Variants in PACRG observed in about 807,000 individuals in gnomAD.
The protein encoded by PACRG is parkin coregulated gene protein.
PACRG carries 29 observed loss-of-function variants against 29.7 expected under a neutral mutation model. The observed-to-expected ratio is 0.98, with a 90% CI of 0.73 to 1.33. The LOEUF (loss-of-function observed/expected upper bound fraction) is 1.33. Among genes scored for constraint, PACRG ranks in the 40% most tolerant of loss-of-function variants. The pLI is 0.00. For synonymous variants in PACRG, 116 were observed against 118.7 expected, an observed-to-expected ratio of 0.98 and a Z score of 0.15; for missense variants, 279 against 316.2, an observed-to-expected ratio of 0.88 and a Z score of 0.89.
intron 2 of PACRG, among the ~76,000 whole-genome samples, chr6:162,928,824 C>T (rs562275630): frequency 6.6e-6 from 1 of 151,544 alleles, no homozygotes; most frequent in African/African-American, 2.4e-5. Context: ...TTAATAAGGT[C>T]CACTTTTTTT....
At chr6:163,096,300 G>A (rs1427697722) in intron 4 of PACRG, among the ~76,000 whole-genome samples, 4 of 152,190 alleles carry the variant, frequency 2.6e-5, no homozygotes, top group Admixed American at 2.6e-4. Context: ...TGGCCACGGT[G>A]AGGCTGGTTC....
chr6:162,927,526 A>G (rs1354370939), intron 2 of PACRG, among the ~76,000 whole-genome samples: 1 of 152,148 alleles, frequency 6.6e-6, no homozygotes, highest in Non-Finnish European at 1.5e-5. Flanking sequence ...GCTGGAAGCC[A>G]TCATCCTCAG....
At chr6:162,940,894 T>C (rs1798571812) in intron 2 of PACRG, among the ~76,000 whole-genome samples, 1 of 152,156 alleles carries the variant, frequency 6.6e-6, no homozygotes. Flanking sequence ...CAGCACAGGA[T>C]ATAATGAATG....
intron 4 of PACRG, chr6:163,182,556 C>T (rs568237825): frequency 1.3e-3 from 197 of 152,182 alleles, no homozygotes; most frequent in African/African-American, 4.6e-3. Context: ...TTCTTTAGTA[C>T]GGGTCTCTTT....
intron 2 of PACRG, among the ~76,000 whole-genome samples, chr6:162,842,120 T>G (rs1356039553): frequency 6.6e-6 from 1 of 150,460 alleles, no homozygotes; most frequent in Non-Finnish European, 1.5e-5. Flanking sequence ...GTCCGCTTGG[T>G]GCAGAGCTGA....
chr6:162,757,953 C>G (rs73601948), intron 1 of PACRG, among the ~76,000 whole-genome samples: 3 of 152,022 alleles, frequency 2.0e-5, no homozygotes, highest in East Asian at 3.9e-4. Context: ...AAATTATACT[C>G]GAATTATTCT....
chr6:162,957,452 A>G (rs1019464272), intron 2 of PACRG: 22 of 498,600 alleles, frequency 4.4e-5, no homozygotes, highest in African/African-American at 3.7e-4. Flanking sequence ...CCACATGCAG[A>G]GTTTTGGTGT....
intron 4 of PACRG, among the ~76,000 whole-genome samples, chr6:163,250,491 C>T (rs1012216299): frequency 2.6e-5 from 4 of 152,194 alleles, no homozygotes; most frequent in South Asian, 4.1e-4. Context: ...TTGCTGAATT[C>T]TTTTATCAGT....
intron 4 of PACRG, among the ~76,000 whole-genome samples, chr6:163,261,613 C>A (rs972875760): frequency 6.6e-6 from 1 of 152,250 alleles, no homozygotes; most frequent in South Asian, 2.1e-4. Flanking sequence ...TCGCAGGACA[C>A]TCGGCCCTGC....
At chr6:163,061,264 C>T (rs944487064) in intron 2 of PACRG, among the ~76,000 whole-genome samples, 3 of 152,150 alleles carry the variant, frequency 2.0e-5, no homozygotes, top group South Asian at 2.1e-4. Context: ...TCAGCTCTGC[C>T]GCCTTGCTGG....
At chr6:162,835,051 T>C (rs891953235) in intron 2 of PACRG, among the ~76,000 whole-genome samples, 3 of 152,124 alleles carry the variant, frequency 2.0e-5, no homozygotes. Flanking sequence ...CTTAACTCAA[T>C]GCTCATTTGG....
At chr6:163,181,403 G>A (rs1483952240) in intron 4 of PACRG, among the ~76,000 whole-genome samples, 1 of 151,984 alleles carries the variant, frequency 6.6e-6, no homozygotes, top group African/African-American at 2.4e-5. Flanking sequence ...AGCAGTGCCG[G>A]GGCTGGAGAT....
chr6:162,989,613 A>T (rs1341730898), intron 2 of PACRG, among the ~76,000 whole-genome samples: 2 of 152,172 alleles, frequency 1.3e-5, no homozygotes, highest in Non-Finnish European at 2.9e-5. Flanking sequence ...GTCTGTTCAT[A>T]TTCAGTACAG....
chr6:162,891,975 A>G (rs1374014789), intron 2 of PACRG: 2 of 152,290 alleles, frequency 1.3e-5, no homozygotes, highest in Admixed American at 6.5e-5. Flanking sequence ...GGTGTTTTAT[A>G]GTCCGGTTAT....
intron 4 of PACRG, among the ~76,000 whole-genome samples, chr6:163,168,440 A>T (rs1385797658): frequency 6.6e-6 from 1 of 152,164 alleles, no homozygotes; most frequent in East Asian, 1.9e-4. Flanking sequence ...TTTGCAGTGA[A>T]CCAAGATCAC....
chr6:162,835,445 G>A (rs1052074996), intron 2 of PACRG, among the ~76,000 whole-genome samples: 1 of 152,130 alleles, frequency 6.6e-6, no homozygotes, highest in African/African-American at 2.4e-5. Context: ...ATTGGAACAT[G>A]CTAGGAAATC....
chr6:163,140,194 G>T (rs115887438), intron 4 of PACRG, among the ~76,000 whole-genome samples: 1 of 152,158 alleles, frequency 6.6e-6, no homozygotes, highest in Non-Finnish European at 1.5e-5. Flanking sequence ...AAACCATTGC[G>T]ACAGAGAACC....
chr6:162,993,136 T>C (rs1412731097), intron 2 of PACRG, among the ~76,000 whole-genome samples: 1 of 151,032 alleles, frequency 6.6e-6, no homozygotes, highest in African/African-American at 2.4e-5. Flanking sequence ...TCTTTTACAT[T>C]TGCTGAGGAG....
rs572865284 is a variant in PACRG at position 163,312,772 on chromosome 6, G to C, written c.614-2055G>C. 1.1e-5 allele frequency: 5 copies of C among 440,754 alleles called. No homozygotes were observed. In the East Asian group the frequency reaches 3.1e-4, roughly 27 times the overall value. 27.3% of individuals were successfully genotyped at this position (440,754 alleles called of 1,614,324 possible). ...CTTTTTGTTTTGTTTGTTTGTTTTT[G>C]AGACAGGGTCTTACTCTTTGCCCAG... On this transcript the variant is annotated intron_variant, in intron 4 of 4. Transcript: ENST00000366888.
Sources: gnomAD v4.1 joint callset for allele counts (sites outside exome capture counted in the v4.1 genomes callset) on GRCh38, gnomAD v4.1.1 for gene constraint, MANE v1.5 for transcripts, NCBI Gene and HGNC (gene_info 2026-07-23, HGNC 2026-07-21) for gene names.